Variants in KLK2 observed in about 807,000 individuals in gnomAD.
KLK2 encodes kallikrein-2.
KLK2 carries 17 observed loss-of-function variants against 23.0 expected under a neutral mutation model. That is an observed-to-expected ratio of 0.74 (90% CI 0.51 to 1.11). The LOEUF is 1.11. Among genes scored for constraint, KLK2 ranks in the 50% least tolerant of loss-of-function variants. The pLI is 0.00. For synonymous variants in KLK2, 140 were observed against 124.7 expected (o/e 1.12, Z -0.82); for missense variants, 330 against 325.9 (o/e 1.01, Z -0.10).
chr19:50,873,804 CA>C (rs2123475356), intron 1 of KLK2: 1 of 473,944 alleles, frequency 2.1e-6, no homozygotes, highest in African/African-American at 2.0e-5. Context: ...TTATGGGGTT[CA>C]AAACCTTTCA....
In KLK2 at chr19:50,878,471, C is replaced by G. The variant is rs764423224; in HGVS notation, c.698C>G (p.Pro233Arg). ...LQGITSWGPE[P>R]CALPEKPAVY... ...GGTATCACATCATGGGGCCCTGAGC[C>G]ATGTGCCCTGCCTGAAAAGCCTGCT... Residue 233 changes from proline to arginine, a missense_variant, in exon 5 of 5, where the codon CCA (proline) becomes CGA (arginine). Transcript: ENST00000325321. 1 of 1,614,098 alleles carries G rather than the reference C, an allele frequency of 6.2e-7. No individual in the cohort carries two copies. Among genetic ancestry groups the G allele is most frequent in the Non-Finnish European group, 8.5e-7 (1 of 1,179,950 alleles).
intron 2 of KLK2, 132 bp downstream of exon 2, chr19:50,875,012 C>T (rs541871824): frequency 1.3e-4 from 181 of 1,403,492 alleles, no homozygotes; most frequent in African/African-American, 9.3e-4. Context: ...TGGCCCAGGT[C>T]GCACCCGGAG....
chr19:50,878,314 C>T (rs1600019891), intron 4 of KLK2, 90 bp from the exon 5 acceptor site: 2 of 1,270,142 alleles, frequency 1.6e-6, no homozygotes, highest in Non-Finnish European at 2.2e-6. Context: ...TGCTCTCAGT[C>T]ATCTGCCTGC....
intron 2 of KLK2, chr19:50,876,135 TC>T (rs942403518): frequency 9.3e-5 from 31 of 333,744 alleles, no homozygotes; most frequent in Non-Finnish European, 1.5e-4. Context: ...CTGTTCTTTC[TC>T]CCTTCCTCTT....
At chr19:50,874,920 T>A (rs373621457) in intron 2 of KLK2, 40 bp downstream of exon 2, 795 of 1,600,598 alleles carry the variant, frequency 5.0e-4, no homozygotes, top group Middle Eastern at 1.8e-3. Context: ...AATGGCTGTG[T>A]CCCACAGGAA....
At position 50,876,553 on chromosome 19, in the gene KLK2, C is replaced by T; in HGVS notation, c.288C>T (p.Phe96=). The change falls in exon 3 of 5, where the codon TTC becomes TTT. Residue 96 remains phenylalanine (F), a synonymous_variant. Transcript: ENST00000325321. The part of the protein sequence containing the change: ...TGQRVPVSHS[F]PHPLYNMSLL... ...AGAGGGTCCCTGTCAGCCACAGCTT[C>T]CCACACCCGCTCTACAATATGAGCC... The T allele has an allele frequency of 6.2e-7, 1 of 1,614,198 alleles. No individual in the cohort carries two copies. Among genetic ancestry groups the T allele is most frequent in the Non-Finnish European group, 8.5e-7 (1 of 1,180,028 alleles).
chr19:50,876,777 G>A lies in KLK2; in HGVS notation c.493+19G>A, dbSNP rs774311157. 1.1e-5 allele frequency: 18 copies of A among 1,611,868 alleles called. No individual in the cohort carries two copies. The highest frequency in any genetic ancestry group is 1.4e-5 in the Non-Finnish European group (17 of 1,178,472). ...GAGGAGTGTACGCCTGGGCCAGATGGTGTAGCTGGGAGCCCAGATGCCTGG... is the reference window on the plus strand; with the variant it reads ...GAGGAGTGTACGCCTGGGCCAGATGATGTAGCTGGGAGCCCAGATGCCTGG... On this transcript the variant is annotated intron_variant, in intron 3 of 4. Transcript: ENST00000325321.
chr19:50,877,257 A>G lies in KLK2; in HGVS notation c.630+249A>G, dbSNP rs1430364753. Reference sequence around the variant, plus strand: ...ATGCTTACTGGGCACCTGCTACGTGACCAGCATTGCCGTAGACCCTGGGAA... The same window carrying G: ...ATGCTTACTGGGCACCTGCTACGTGGCCAGCATTGCCGTAGACCCTGGGAA... On this transcript the variant is annotated intron_variant, in intron 4 of 4. Transcript: ENST00000325321. 4 of 571,518 alleles carry G rather than the reference A, an allele frequency of 7.0e-6. No homozygotes were observed. The African/African-American group carries it at 7.5e-5, about 11-fold the overall frequency. 35.4% of individuals were successfully genotyped at this position (571,518 alleles called of 1,614,324 possible). A position where few individuals can be genotyped will look rare whatever the true frequency, so the allele number is the denominator to read the frequency against.
At chr19:50,876,318 ACTGT>A (rs2090286232) in intron 2 of KLK2, 150 bp from the exon 3 acceptor site, 2 of 645,168 alleles carry the variant, frequency 3.1e-6, no homozygotes, top group East Asian at 2.7e-5. Context: ...TTTCTAACTC[ACTGT>A]CTGTATTTCA....
chr19:50,874,604 T>C, intron 1 of KLK2, 117 bp from the exon 2 acceptor site: 1 of 794,016 alleles, frequency 1.3e-6, no homozygotes, highest in Non-Finnish European at 2.0e-6. Flanking sequence ...CTTGCTTGTG[T>C]CCTGGACTCC....
At chr19:50,873,798 G>T (rs2090254783) in intron 1 of KLK2, 1 of 499,760 alleles carries the variant, frequency 2.0e-6, no homozygotes, top group African/African-American at 2.0e-5. Flanking sequence ...TTCTCTTTAT[G>T]GGGTTCAAAA....
At position 50,879,528 on chromosome 19, in the gene KLK2, T is replaced by C. The variant is rs2123487196; in HGVS notation, c.*969T>C. The C allele has an allele frequency of 8.7e-6, 2 of 230,826 alleles. No homozygotes were observed. Among genetic ancestry groups the C allele is most frequent in the East Asian group, 1.2e-4 (2 of 16,256 alleles). 14.3% of individuals were successfully genotyped at this position (230,826 alleles called of 1,614,324 possible). ...GAGACTTACGGACAGCATATAATTCTCCCTGCAAGGATGTATGATAATATG... is the reference window on the plus strand; with the variant it reads ...GAGACTTACGGACAGCATATAATTCCCCCTGCAAGGATGTATGATAATATG... On this transcript the variant is annotated 3_prime_UTR_variant, in exon 5 of 5. Coordinates refer to ENST00000325321, the MANE Select transcript of KLK2 (RefSeq NM_005551.5).
chr19:50,874,502 C>T (rs756002705), intron 1 of KLK2: 7 of 482,694 alleles, frequency 1.5e-5, no homozygotes, highest in Admixed American at 7.4e-5. Flanking sequence ...GGGTCAGCTC[C>T]GTTCTCAGAG....
intron 1 of KLK2, 166 bp downstream of exon 1, chr19:50,873,685 C>T: frequency 1.7e-6 from 1 of 573,006 alleles, no homozygotes; most frequent in East Asian, 3.1e-5. Context: ...CACACTAGGT[C>T]CCCGCTCCCT....
chr19:50,876,371 T>G, intron 2 of KLK2, 101 bp from the exon 3 acceptor site: 1 of 1,064,982 alleles, frequency 9.4e-7, no homozygotes, highest in African/African-American at 1.6e-5. Context: ...CTTTTCTCAC[T>G]GTTTCTTTTT....
In KLK2 at chr19:50,874,700, G is replaced by T. The variant is rs765035182; in HGVS notation, c.47-21G>T. On this transcript the variant is annotated intron_variant, in intron 1 of 4. Transcript: ENST00000325321. ...CAATTCTTTTGGGTCTGATCCCCCT[G>T]ACCCAGCACCCCCTCCGCAGGTGCC... 3 of 1,597,762 alleles carry T rather than the reference G, an allele frequency of 1.9e-6. No individual in the cohort carries two copies. The African/African-American group carries it at 4.0e-5, about 21-fold the overall frequency.
In KLK2 at chr19:50,876,746, G is replaced by A. The variant is rs371591640; in HGVS notation, c.481G>A (p.Glu161Lys). Residue 161 changes from glutamate to lysine, a missense_variant, in exon 3 of 5, where the codon GAA (glutamate) becomes AAA (lysine). Glu to Lys is a moderately conservative substitution (Grantham distance 56). Transcript: ENST00000325321. ...CTACGCCTCAGGCTGGGGCAGCATC[G>A]AACCAGAGGAGTGTACGCCTGGGCC... ...TCYASGWGSI[E>K]PEEFLRPRSL... 41 of 1,613,894 alleles carry A rather than the reference G, an allele frequency of 2.5e-5. No individual in the cohort carries two copies. Among genetic ancestry groups the A allele is most frequent in the Admixed American group, 5.0e-5 (3 of 59,998 alleles).
rs1425622150 is a variant in KLK2, at chr19:50,878,610, C to G, written c.*51C>G. The G allele has an allele frequency of 1.9e-6, 3 of 1,558,320 alleles. No homozygotes were observed. The highest frequency in any genetic ancestry group is 2.4e-5 in the South Asian group (2 of 85,066). On this transcript the variant is annotated 3_prime_UTR_variant, in exon 5 of 5. Coordinates refer to ENST00000325321, the MANE Select transcript of KLK2 (RefSeq NM_005551.5). ...AGTAAATTTAAGTCCACCTCACGTT[C>G]TGGCATCACTTGGCCTTTCTGGATG...
Position 50,875,297 on chromosome 19 carries a change from C to G in KLK2, c.206+417C>G, listed in dbSNP as rs570613457. On this transcript the variant is annotated intron_variant, in intron 2 of 4. Coordinates refer to ENST00000325321, the MANE Select transcript of KLK2 (RefSeq NM_005551.5). ...CTGCCTCAGCCCTTCCTCATCACTACTGAACACACCCCGTGAGGGTGGGTG... is the reference window on the plus strand; with the variant it reads ...CTGCCTCAGCCCTTCCTCATCACTAGTGAACACACCCCGTGAGGGTGGGTG... Among the ~76,000 whole-genome samples, 3 of 152,316 alleles carry G rather than the reference C, an allele frequency of 2.0e-5. No individual in the cohort carries two copies. The South Asian group carries it at 6.2e-4, about 32-fold the overall frequency.
Sources: gnomAD v4.1 joint callset for allele counts (sites outside exome capture counted in the v4.1 genomes callset) on GRCh38, gnomAD v4.1.1 for gene constraint, MANE v1.5 for transcripts, NCBI Gene and HGNC (gene_info 2026-07-23, HGNC 2026-07-21) for gene names.